TMCO4: variants seen among roughly 807,000 people sequenced by gnomAD.
TMCO4 encodes transmembrane and coiled-coil domain-containing protein 4.
In TMCO4, 58 loss-of-function variants were observed where a neutral mutation model predicts 64.7. The observed-to-expected ratio is 0.90, with a 90% confidence interval of 0.73 to 1.12. The LOEUF is 1.12. TMCO4 is among the 50% of genes most tolerant of loss of function. TMCO4 has a pLI of 0.00. For missense variants in TMCO4, 780 were observed against 825.9 expected (o/e 0.94, Z 0.68); for synonymous variants, 325 against 346.1 (o/e 0.94, Z 0.68).
At chr1:19,754,605 C>T (rs2042162586) in intron 7 of TMCO4, among the ~76,000 whole-genome samples, 1 of 152,172 alleles carries the variant, frequency 6.6e-6, no homozygotes, top group South Asian at 2.1e-4. Flanking sequence ...GGGAGACGTG[C>T]CTGGTGCCAG....
At chr1:19,748,009 G>C (rs191750325) in intron 7 of TMCO4, among the ~76,000 whole-genome samples, 45 of 152,282 alleles carry the variant, frequency 3.0e-4, no homozygotes, top group African/African-American at 1.1e-3. Flanking sequence ...GATAATCAAA[G>C]AAGAAAAATG....
chr1:19,768,852 C>T (rs2042859523), intron 6 of TMCO4, among the ~76,000 whole-genome samples: 1 of 152,208 alleles, frequency 6.6e-6, no homozygotes, highest in African/African-American at 2.4e-5. Context: ...TCTCACAAAC[C>T]TCCCAGCAGT....
At chr1:19,695,343 G>A (rs143351741) in intron 14 of TMCO4, among the ~76,000 whole-genome samples, 123 of 152,280 alleles carry the variant, frequency 8.1e-4, no homozygotes, top group Non-Finnish European at 1.5e-3. Flanking sequence ...GCCTTCCCTC[G>A]CAAACCCTTG....
intron 13 of TMCO4, among the ~76,000 whole-genome samples, chr1:19,735,643 G>T (rs547452650): frequency 6.6e-6 from 1 of 152,062 alleles, no homozygotes; most frequent in Admixed American, 6.5e-5. Flanking sequence ...CCTCACTTCC[G>T]GTTACCACAG....
chr1:19,758,373 G>A (rs973513163), intron 6 of TMCO4, among the ~76,000 whole-genome samples: 3 of 152,162 alleles, frequency 2.0e-5, no homozygotes, highest in African/African-American at 4.8e-5. Flanking sequence ...AAAGACTACT[G>A]TGCCCACGTG....
At chr1:19,782,096 A>G (rs1245932596) in intron 3 of TMCO4, among the ~76,000 whole-genome samples, 1 of 152,240 alleles carries the variant, frequency 6.6e-6, no homozygotes, top group Non-Finnish European at 1.5e-5. Flanking sequence ...AGTCACGAAA[A>G]GACACATACA....
intron 13 of TMCO4, among the ~76,000 whole-genome samples, chr1:19,704,653 T>C (rs2100643028): frequency 6.6e-6 from 1 of 152,370 alleles, no homozygotes; most frequent in South Asian, 2.1e-4. Flanking sequence ...TGGCAGAGTC[T>C]GCCCTGCTAA....
chr1:19,700,777 C>T lies in TMCO4; in HGVS notation c.1373G>A (p.Gly458Asp). The T allele has an allele frequency of 6.2e-7, 1 of 1,614,118 alleles. No homozygotes were observed. The highest frequency in any genetic ancestry group is 1.1e-5 in the South Asian group (1 of 91,088). The change falls in exon 14 of 16, where the codon GGC (glycine) becomes GAC (aspartate). Residue 458 changes from glycine (G) to aspartate (D), a missense_variant. Gly to Asp is a moderately conservative substitution (Grantham distance 94). Transcript: ENST00000294543. ...CGAGGTTTGGACAGACCTGCAGTAG[C>T]CGTTGATGATCCTCCCGGACACCAC... ...RKVVSGRIIN[G>D]YCRGDWLLSF...
At chr1:19,700,588 C>T (rs2095265332) in intron 14 of TMCO4, among the ~76,000 whole-genome samples, 180 bp downstream of exon 14, 1 of 152,240 alleles carries the variant, frequency 6.6e-6, no homozygotes, top group Non-Finnish European at 1.5e-5. Context: ...TGGAGGGCCG[C>T]TTCCCAGATC....
At chr1:19,796,721 CAT>C (rs1437891994) in intron 2 of TMCO4, among the ~76,000 whole-genome samples, 3 of 152,082 alleles carry the variant, frequency 2.0e-5, no homozygotes, top group Non-Finnish European at 4.4e-5. Context: ...ACTACAGGTG[CAT>C]GCCACCATGC....
intron 13 of TMCO4, among the ~76,000 whole-genome samples, chr1:19,714,191 C>T (rs556722016): frequency 6.6e-6 from 1 of 152,334 alleles, no homozygotes; most frequent in East Asian, 1.9e-4. Flanking sequence ...CCCACCTTGG[C>T]CTCCCAAAGT....
At chr1:19,719,128 T>C (rs2095370300) in intron 13 of TMCO4, among the ~76,000 whole-genome samples, 1 of 152,196 alleles carries the variant, frequency 6.6e-6, no homozygotes, top group Non-Finnish European at 1.5e-5. Context: ...AGGCACCTTA[T>C]AAAGATTATT....
At chr1:19,746,816 C>A (rs555759490) in intron 8 of TMCO4, among the ~76,000 whole-genome samples, 17 of 148,888 alleles carry the variant, frequency 1.1e-4, no homozygotes, top group African/African-American at 4.0e-4. Flanking sequence ...CCCAGCTACT[C>A]GGGAGGCTGA....
chr1:19,712,514 G>C (rs981955603), intron 13 of TMCO4, among the ~76,000 whole-genome samples: 1 of 151,988 alleles, frequency 6.6e-6, no homozygotes, highest in Non-Finnish European at 1.5e-5. Flanking sequence ...CAGCTACTCG[G>C]GAGGCTGAGG....
At chr1:19,684,434 C>T (rs141795894) in intron 15 of TMCO4, among the ~76,000 whole-genome samples, 9 of 152,236 alleles carry the variant, frequency 5.9e-5, no homozygotes, top group African/African-American at 2.2e-4. Context: ...CTGATGCCTG[C>T]AGCTCTAGGC....
chr1:19,737,591 G>A (rs1033497758), intron 12 of TMCO4, 135 bp from the exon 13 acceptor site: 16 of 683,252 alleles, frequency 2.3e-5, no homozygotes, highest in Admixed American at 5.1e-5. Flanking sequence ...GTGCTGTTCC[G>A]GTCCCTGAGC....
chr1:19,794,464 G>A (rs1397249349), intron 2 of TMCO4, among the ~76,000 whole-genome samples: 1 of 152,134 alleles, frequency 6.6e-6, no homozygotes, highest in Admixed American at 6.5e-5. Flanking sequence ...TAATTACAGC[G>A]ACAAATGTGC....
At chr1:19,711,558 G>A (rs1478028511) in intron 13 of TMCO4, among the ~76,000 whole-genome samples, 2 of 151,872 alleles carry the variant, frequency 1.3e-5, no homozygotes, top group African/African-American at 4.8e-5. Context: ...GCGCAATCAC[G>A]GCTCACTGCA....
intron 10 of TMCO4, among the ~76,000 whole-genome samples, chr1:19,742,375 G>A (rs1291755278): frequency 6.6e-5 from 10 of 152,220 alleles, no homozygotes; most frequent in African/African-American, 2.4e-4. Flanking sequence ...TGTGGGAATG[G>A]AGGGGTGGAG....
Sources: allele counts gnomAD v4.1 joint callset (sites outside exome capture counted in the v4.1 genomes callset), GRCh38; gene constraint gnomAD v4.1.1; transcripts MANE v1.5; gene names NCBI Gene and HGNC (gene_info 2026-07-23, HGNC 2026-07-21).